The following FAM13B variants were observed in gnomAD, a reference collection of about 807,000 sequenced individuals.
FAM13B encodes the protein protein FAM13B.
A neutral mutation model predicts 117.3 loss-of-function variants in FAM13B; 60 were observed. The observed-to-expected ratio is 0.51, with a 90% CI of 0.42 to 0.63. FAM13B has a LOEUF of 0.63. Ranked by LOEUF, FAM13B falls within the 30% of genes least tolerant of loss-of-function variation. The probability of loss-of-function intolerance (pLI) is 0.00; values close to 1 mark genes in which losing one functional copy is unlikely to be tolerated. For missense variants in FAM13B, 972 were observed against 1,091.9 expected, an observed-to-expected ratio of 0.89 and a Z score of 1.55; for synonymous variants, 332 against 356.1, an observed-to-expected ratio of 0.93 and a Z score of 0.76.
At chr5:137,962,257 T>C (rs1768342156) in intron 11 of FAM13B, 148 bp downstream of exon 11, 1 of 644,742 alleles carries the variant, frequency 1.6e-6, no homozygotes, top group Non-Finnish European at 2.7e-6. Context: ...TTAATATCCT[T>C]TATGCCTACC....
chr5:137,967,445 C>T (rs535811554), intron 10 of FAM13B, among the ~76,000 whole-genome samples: 107 of 152,142 alleles, frequency 7.0e-4, no homozygotes, highest in African/African-American at 2.4e-3. Context: ...ACTGCTTGAA[C>T]CCAGGAGGCG....
chr5:137,978,107 C>G (rs1323807904), intron 10 of FAM13B, among the ~76,000 whole-genome samples: 1 of 151,910 alleles, frequency 6.6e-6, no homozygotes, highest in Non-Finnish European at 1.5e-5. Context: ...TACCTCACAA[C>G]TATTACTTGG....
chr5:138,001,894 C>T (rs1561515440), intron 7 of FAM13B, among the ~76,000 whole-genome samples: 2 of 151,654 alleles, frequency 1.3e-5, no homozygotes, highest in South Asian at 4.2e-4. Flanking sequence ...TTGTTATGGC[C>T]AAAGGAGAAT....
At chr5:138,026,766 C>T (rs1429748101) in intron 1 of FAM13B, among the ~76,000 whole-genome samples, 1 of 151,080 alleles carries the variant, frequency 6.6e-6, no homozygotes, top group Non-Finnish European at 1.5e-5. Context: ...ATGGTAAAAC[C>T]CTATCTCTAC....
At chr5:138,032,633 C>G (rs1237404010) in intron 1 of FAM13B, 149 bp downstream of exon 1, 1 of 758,044 alleles carries the variant, frequency 1.3e-6, no homozygotes, top group African/African-American at 1.9e-5. Flanking sequence ...ACGGAACGCC[C>G]CACCTGCTAG....
intron 10 of FAM13B, among the ~76,000 whole-genome samples, chr5:137,967,635 G>A (rs1166016869): frequency 6.6e-6 from 1 of 152,152 alleles, no homozygotes; most frequent in Non-Finnish European, 1.5e-5. Flanking sequence ...GCTCACATCT[G>A]TAATTCCAGT....
At chr5:137,941,258 C>T (rs1471000731) in intron 23 of FAM13B, among the ~76,000 whole-genome samples, 4 of 151,962 alleles carry the variant, frequency 2.6e-5, no homozygotes, top group African/African-American at 7.3e-5. Context: ...AGGAGACTCA[C>T]AAAGCAAAGG....
chr5:137,940,817 A>G (rs1438124650), intron 23 of FAM13B, among the ~76,000 whole-genome samples: 1 of 152,250 alleles, frequency 6.6e-6, no homozygotes, highest in Non-Finnish European at 1.5e-5. Flanking sequence ...CGCTAGCTAA[A>G]GCATCAAACT....
In FAM13B at chr5:137,954,387, A is replaced by AAC. The variant is rs757018983; in HGVS notation, c.1508-13_1508-12dup. The AAC allele has an allele frequency of 6.2e-7, 1 of 1,608,192 alleles. No individual in the cohort carries two copies. The highest frequency in any genetic ancestry group is 8.5e-7 in the Non-Finnish European group (1 of 1,176,440). On this transcript the variant is annotated splice_polypyrimidine_tract_variant and intron_variant, in intron 14 of 23. Transcript: ENST00000689681. ...AAGCAGGAAATGGCTCTATAAAACA[A>AAC]ACACAAAGAATAGTACCATGGGTCT...
intron 1 of FAM13B, among the ~76,000 whole-genome samples, chr5:138,044,677 A>AGT (rs1291510614): frequency 6.6e-6 from 1 of 152,252 alleles, no homozygotes; most frequent in African/African-American, 2.4e-5. Flanking sequence ...CCATTAAAAA[A>AGT]GTGAAAGTTC....
At chr5:138,044,327 G>A (rs528364554) in intron 1 of FAM13B, among the ~76,000 whole-genome samples, 158 of 152,176 alleles carry the variant, frequency 1.0e-3, no homozygotes, top group Middle Eastern at 3.4e-3. Context: ...CAAGGTGAGC[G>A]GATCACCTGA....
intron 1 of FAM13B, among the ~76,000 whole-genome samples, chr5:138,028,639 T>C (rs1456290654): frequency 1.3e-5 from 2 of 152,138 alleles, no homozygotes; most frequent in African/African-American, 4.8e-5. Flanking sequence ...TCCCAACACT[T>C]TGGGATGCTG....
intron 9 of FAM13B, among the ~76,000 whole-genome samples, 171 bp from the exon 10 acceptor site, chr5:137,985,560 C>T (rs957398279): frequency 2.0e-5 from 3 of 152,192 alleles, no homozygotes; most frequent in Non-Finnish European, 4.4e-5. Context: ...ATTAAATCTG[C>T]TATGTTTTTG....
intron 5 of FAM13B, 23 bp from the exon 6 acceptor site, chr5:138,011,172 A>G: frequency 6.3e-7 from 1 of 1,583,884 alleles, no homozygotes; most frequent in South Asian, 1.2e-5. Context: ...GTCCAAATTG[A>G]ATTGAGAGTT....
At chr5:138,035,594 A>G (rs559130463), upstream of FAM13B, among the ~76,000 whole-genome samples, 1 of 152,280 alleles carries the variant, frequency 6.6e-6, no homozygotes, top group East Asian at 1.9e-4. Flanking sequence ...AGGTTCCATG[A>G]GTTTTTAGGG....
chr5:138,034,995 CTTTTTTTTT>C (rs557807234), upstream of FAM13B, among the ~76,000 whole-genome samples: 41 of 34,372 alleles, frequency 1.2e-3, no homozygotes, highest in East Asian at 0.011. Context: ...ATTCCCTTGC[CTTTTTTTTT>C]TTTTTTTTTT....
At chr5:138,006,255 A>G (rs1463162074) in intron 7 of FAM13B, among the ~76,000 whole-genome samples, 1 of 152,176 alleles carries the variant, frequency 6.6e-6, no homozygotes, top group African/African-American at 2.4e-5. Context: ...AAAAATATCT[A>G]GTGGACTAAA....
rs1343815132 is a variant in FAM13B at position 138,006,971 on chromosome 5, C to T, written c.848+19G>A. 6.3e-7 allele frequency: 1 copy of T among 1,582,634 alleles called. No individual in the cohort carries two copies. The highest frequency in any genetic ancestry group is 1.4e-5 in the African/African-American group (1 of 73,496). On this transcript the variant is annotated intron_variant, in intron 7 of 23. Coordinates refer to ENST00000689681, the MANE Select transcript of FAM13B (RefSeq NM_001385994.1). ...AATGAAATACTCAAAAGCTAAAGTT[C>T]ATTCAACTGAGCTATTACCTTGTTG...
intron 1 of FAM13B, among the ~76,000 whole-genome samples, chr5:138,051,312 A>C (rs1791793324): frequency 6.6e-6 from 1 of 152,240 alleles, no homozygotes; most frequent in Non-Finnish European, 1.5e-5. Context: ...ATATTTGTGT[A>C]GAACAGATTC....
Sources: gnomAD v4.1 joint callset for allele counts (sites outside exome capture counted in the v4.1 genomes callset) on GRCh38, gnomAD v4.1.1 for gene constraint, MANE v1.5 for transcripts, NCBI Gene and HGNC (gene_info 2026-07-23, HGNC 2026-07-21) for gene names.